HSD17B12: variants seen among roughly 807,000 people sequenced by gnomAD.
The protein encoded by HSD17B12 is very-long-chain 3-oxoacyl-CoA reductase.
In HSD17B12, 32 loss-of-function variants were observed where a neutral mutation model predicts 39.3. The ratio of observed to expected loss-of-function variants is 0.81; its 90% CI spans 0.61 to 1.09. The LOEUF is 1.09. HSD17B12 is among the 50% of genes least tolerant of loss of function. HSD17B12 has a pLI of 0.00. For missense variants in HSD17B12, 342 were observed against 382.9 expected, an observed-to-expected ratio of 0.89 and a Z score of 0.89; for synonymous variants, 150 against 146.7, an observed-to-expected ratio of 1.02 and a Z score of -0.16.
intron 7 of HSD17B12, 87 bp from the exon 8 acceptor site, chr11:43,838,230 C>T (rs550590545): frequency 1.7e-4 from 157 of 912,998 alleles, no homozygotes; most frequent in Admixed American, 5.7e-4. Context: ...TATTCTGTTT[C>T]GAATAATTAT....
At chr11:43,564,743 T>A in the HSD17B12 span, among the ~76,000 whole-genome samples, 117 of 152,326 alleles carry the variant, frequency 7.7e-4, no homozygotes, top group African/African-American at 2.7e-3. Flanking sequence ...TAATATACTA[T>A]TTTAAACCAA....
At chr11:43,623,699 A>T in the HSD17B12 span, among the ~76,000 whole-genome samples, 2 of 152,068 alleles carry the variant, frequency 1.3e-5, no homozygotes, top group Non-Finnish European at 2.9e-5. Flanking sequence ...GGAAAAAAAG[A>T]GGCAGAAACT....
At chr11:43,682,354 C>G (rs779417871) in intron 1 of HSD17B12, among the ~76,000 whole-genome samples, 1 of 152,076 alleles carries the variant, frequency 6.6e-6, no homozygotes, top group African/African-American at 2.4e-5. Context: ...AGTTTGAGAC[C>G]AGCCTGACCA....
the HSD17B12 span, among the ~76,000 whole-genome samples, chr11:43,568,454 T>A: frequency 1.3e-5 from 2 of 152,178 alleles, no homozygotes; most frequent in Admixed American, 6.5e-5. Context: ...ATTAATTACA[T>A]GGCAAGGCTT....
intron 7 of HSD17B12, among the ~76,000 whole-genome samples, chr11:43,832,350 C>T (rs1036186577): frequency 6.6e-6 from 1 of 152,170 alleles, no homozygotes; most frequent in Non-Finnish European, 1.5e-5. Context: ...TTATAAACCA[C>T]AGAGGTATTG....
At chr11:43,587,898 A>C in the HSD17B12 span, among the ~76,000 whole-genome samples, 1 of 152,138 alleles carries the variant, frequency 6.6e-6, no homozygotes, top group Admixed American at 6.6e-5. Context: ...AGAAGGAAAG[A>C]CCAGTCCACT....
At chr11:43,708,808 C>G (rs1220242614) in intron 1 of HSD17B12, among the ~76,000 whole-genome samples, 1 of 152,164 alleles carries the variant, frequency 6.6e-6, no homozygotes, top group African/African-American at 2.4e-5. Flanking sequence ...TAGTGCTTAT[C>G]TTTTATAATG....
chr11:43,572,337 A>G, the HSD17B12 span, among the ~76,000 whole-genome samples: 1 of 152,222 alleles, frequency 6.6e-6, no homozygotes, highest in Non-Finnish European at 1.5e-5. Context: ...CTATTCGCTA[A>G]CAGGCTTCTT....
the HSD17B12 span, among the ~76,000 whole-genome samples, chr11:43,637,710 T>A: frequency 1.3e-5 from 2 of 152,184 alleles, no homozygotes; most frequent in Non-Finnish European, 2.9e-5. Context: ...AGACTGTTCG[T>A]TCAGAAAAAT....
chr11:43,756,701 T>G (rs1198401244), intron 3 of HSD17B12, among the ~76,000 whole-genome samples: 2 of 152,230 alleles, frequency 1.3e-5, no homozygotes, highest in Non-Finnish European at 2.9e-5. Flanking sequence ...TACCGTCTAC[T>G]CGATACAGAA....
chr11:43,717,128 T>G (rs940710653), intron 1 of HSD17B12, among the ~76,000 whole-genome samples: 1 of 152,192 alleles, frequency 6.6e-6, no homozygotes, highest in Admixed American at 6.5e-5. Context: ...TGGCAAACAC[T>G]AACTTACAAT....
chr11:43,704,882 G>C (rs1590675545), intron 1 of HSD17B12, among the ~76,000 whole-genome samples: 1 of 152,250 alleles, frequency 6.6e-6, no homozygotes, highest in East Asian at 1.9e-4. Flanking sequence ...GAAAGCTTCT[G>C]GGATCTTGAT....
intron 1 of HSD17B12, among the ~76,000 whole-genome samples, chr11:43,686,120 G>C (rs1261880959): frequency 6.6e-6 from 1 of 152,190 alleles, no homozygotes; most frequent in Non-Finnish European, 1.5e-5. Context: ...TGGATTTAGT[G>C]ACTCCCTGGA....
At chr11:43,594,559 A>G in the HSD17B12 span, among the ~76,000 whole-genome samples, 1 of 140,866 alleles carries the variant, frequency 7.1e-6, no homozygotes, top group South Asian at 2.2e-4. Flanking sequence ...TAAAAATTGT[A>G]TTGCTATAAC....
At chr11:43,772,636 A>G (rs1416428994) in intron 3 of HSD17B12, among the ~76,000 whole-genome samples, 2 of 152,232 alleles carry the variant, frequency 1.3e-5, no homozygotes, top group Non-Finnish European at 2.9e-5. Flanking sequence ...TATATTTAAA[A>G]AGCAAGTAAA....
chr11:43,665,136 T>A, the HSD17B12 span, among the ~76,000 whole-genome samples: 1 of 152,222 alleles, frequency 6.6e-6, no homozygotes, highest in African/African-American at 2.4e-5. Context: ...GAAAGAGAAG[T>A]GTCTGACACA....
At chr11:43,704,407 G>C (rs1346663329) in intron 1 of HSD17B12, among the ~76,000 whole-genome samples, 2 of 152,152 alleles carry the variant, frequency 1.3e-5, no homozygotes, top group Non-Finnish European at 2.9e-5. Context: ...TTGTGTTTGT[G>C]ATAAAGTATG....
the HSD17B12 span, among the ~76,000 whole-genome samples, chr11:43,631,605 CTCTG>C: frequency 1.6e-5 from 2 of 128,936 alleles, no homozygotes; most frequent in Non-Finnish European, 3.5e-5. Context: ...CTCTCTCTCT[CTCTG>C]TCTCTCTCTC....
intron 1 of HSD17B12, chr11:43,733,940 T>G (rs1950292361): frequency 2.9e-6 from 2 of 696,972 alleles, no homozygotes; most frequent in South Asian, 2.9e-5. Flanking sequence ...ATCCCATGGG[T>G]ACAGAAACCA....
Sources: allele counts gnomAD v4.1 joint callset (sites outside exome capture counted in the v4.1 genomes callset), GRCh38; gene constraint gnomAD v4.1.1; transcripts MANE v1.5; gene names NCBI Gene and HGNC (gene_info 2026-07-23, HGNC 2026-07-21).